SETDB2: variants seen among roughly 807,000 people sequenced by gnomAD.
The protein encoded by SETDB2 is SET domain bifurcated histone lysine methyltransferase 2.
In SETDB2, 56 loss-of-function variants were observed where a neutral mutation model predicts 82.5. The ratio of observed to expected loss-of-function variants is 0.68; its 90% confidence interval spans 0.55 to 0.85. The LOEUF (loss-of-function observed/expected upper bound fraction) is 0.85. Among genes scored for constraint, SETDB2 ranks in the 40% least tolerant of loss-of-function variants. The pLI is 0.00. For missense variants in SETDB2, 677 were observed against 816.4 expected, an observed-to-expected ratio of 0.83 and a Z score of 2.08; for synonymous variants, 272 against 284.9, an observed-to-expected ratio of 0.95 and a Z score of 0.46.
At position 49,494,009 on chromosome 13, in the gene SETDB2, A is replaced by G. The variant is rs1958760144; in HGVS notation, c.*2160A>G. 1.3e-5 allele frequency: 2 copies of G among 151,892 alleles called. No individual in the cohort carries two copies. The highest frequency in any genetic ancestry group is 2.9e-5 in the Non-Finnish European group (2 of 67,980). 9.4% of individuals were successfully genotyped at this position (151,892 alleles called of 1,614,324 possible). A position where few individuals can be genotyped will look rare whatever the true frequency, so the allele number is the denominator to read the frequency against. The stretch of plus-strand genomic sequence containing the variant: ...TTTCCCATCTCTTCACTGTTTCTGG[A>G]ATTCCTGTTTTCCAGATGTTAGACC... On this transcript the variant is annotated 3_prime_UTR_variant, in exon 14 of 14. Transcript: ENST00000611815.
chr13:49,466,684 G>A lies in SETDB2; in HGVS notation c.209-1180G>A, dbSNP rs148785348. Reference sequence around the variant, plus strand: ...TTTAGAGAGAGGGTCTTCCTCTGTCGCTCAGGCTGGAGTGCAGTGGTGCAA... The same window carrying A: ...TTTAGAGAGAGGGTCTTCCTCTGTCACTCAGGCTGGAGTGCAGTGGTGCAA... On this transcript the variant is annotated intron_variant, in intron 4 of 13. Transcript: ENST00000611815. Among the ~76,000 whole-genome samples, 90 of 151,988 alleles carry A rather than the reference G, an allele frequency of 5.9e-4. 1 individual carries two copies. In the East Asian group the frequency reaches 0.012, roughly 20 times the overall value.
chr13:49,490,279 C>CA (rs60013535), intron 12 of SETDB2, among the ~76,000 whole-genome samples: 2,338 of 82,954 alleles, frequency 0.028, 139 homozygotes, highest in Middle Eastern at 0.042. Flanking sequence ...GACTCCGTCT[C>CA]AAAAAAAAAA....
intron 4 of SETDB2, among the ~76,000 whole-genome samples, chr13:49,462,051 G>C (rs1277912241): frequency 5.3e-5 from 8 of 152,210 alleles, no homozygotes; most frequent in African/African-American, 1.9e-4. Context: ...TCCCTGTGGA[G>C]TTTTGGGGTG....
intron 10 of SETDB2, among the ~76,000 whole-genome samples, chr13:49,485,398 C>T (rs901201245): frequency 6.6e-6 from 1 of 152,204 alleles, no homozygotes; most frequent in East Asian, 1.9e-4. Flanking sequence ...AATTTCTTGA[C>T]AGTCTTTATA....
chr13:49,485,175 T>G (rs916953142), intron 10 of SETDB2, among the ~76,000 whole-genome samples: 2 of 152,242 alleles, frequency 1.3e-5, no homozygotes, highest in African/African-American at 2.4e-5. Flanking sequence ...TTATCATTAC[T>G]ACTTAAAGTG....
chr13:49,480,831 C>A, intron 7 of SETDB2, 116 bp from the exon 8 acceptor site: 1 of 1,028,744 alleles, frequency 9.7e-7, no homozygotes, highest in Non-Finnish European at 1.4e-6. Context: ...AGGCACTCTA[C>A]CTCTAAGAGC....
chr13:49,457,744 TA>T (rs759166106), intron 2 of SETDB2, among the ~76,000 whole-genome samples: 5 of 151,850 alleles, frequency 3.3e-5, no homozygotes. Flanking sequence ...TTTTAAATGA[TA>T]AAAAAAACAA....
chr13:49,459,696 A>G (rs1461937952), intron 2 of SETDB2, among the ~76,000 whole-genome samples: 1 of 152,178 alleles, frequency 6.6e-6, no homozygotes, highest in Non-Finnish European at 1.5e-5. Context: ...TTTAAAAAGC[A>G]GTATTGTTGG....
chr13:49,452,181 G>A (rs892953374), intron 2 of SETDB2, among the ~76,000 whole-genome samples: 13 of 150,632 alleles, frequency 8.6e-5, no homozygotes, highest in African/African-American at 3.2e-4. Flanking sequence ...GCACAATCTT[G>A]GCTCACTGCA....
intron 2 of SETDB2, among the ~76,000 whole-genome samples, chr13:49,452,833 A>T (rs536599473): frequency 6.6e-6 from 1 of 152,092 alleles, no homozygotes; most frequent in Non-Finnish European, 1.5e-5. Context: ...GGGGAGTGTG[A>T]TCTCAGAGGT....
rs1391931799 is a variant in SETDB2, at chr13:49,452,054, C to T, written c.16+145C>T. On this transcript the variant is annotated intron_variant, in intron 2 of 13. Transcript: ENST00000611815. ...GAATTAAGGGTTTATTCTTGTATAGCCACCAATTTTGACTGTCTTTATCAT... is the reference window on the plus strand; with the variant it reads ...GAATTAAGGGTTTATTCTTGTATAGTCACCAATTTTGACTGTCTTTATCAT... 6.0e-6 allele frequency: 3 copies of T among 501,464 alleles called. No individual in the cohort carries two copies. In the African/African-American group the frequency reaches 6.0e-5, roughly 10 times the overall value. The allele number at this position is 501,464 out of a possible 1,614,324, so 31.1% of individuals were successfully genotyped here.
Position 49,494,149 on chromosome 13 carries a change from C to T in SETDB2, c.*2300C>T, listed in dbSNP as rs1958762475. ...ATTTAATCTTCCAGTTCATCTGTTG[C>T]ATTTTATTTTTCTAGTCTCATATTG... On this transcript the variant is annotated 3_prime_UTR_variant, in exon 14 of 14. Coordinates refer to ENST00000611815, the MANE Select transcript of SETDB2 (RefSeq NM_001160308.3). The T allele has an allele frequency of 6.6e-6, 1 of 152,100 alleles. No individual in the cohort carries two copies. The highest frequency in any genetic ancestry group is 2.4e-5 in the African/African-American group (1 of 41,398). The allele number at this position is 152,100 out of a possible 1,614,324, so 9.4% of individuals were successfully genotyped here.
At chr13:49,465,610 C>T (rs1433623972) in intron 4 of SETDB2, among the ~76,000 whole-genome samples, 1 of 151,880 alleles carries the variant, frequency 6.6e-6, no homozygotes, top group Non-Finnish European at 1.5e-5. Context: ...GATCTTTGCT[C>T]ACTACAACTT....
intron 3 of SETDB2, among the ~76,000 whole-genome samples, chr13:49,460,793 CATT>C (rs1311926235): frequency 6.6e-6 from 1 of 152,124 alleles, no homozygotes; most frequent in African/African-American, 2.4e-5. Context: ...GGTCTTATGA[CATT>C]ATTATTATGT....
At chr13:49,452,541 C>T (rs914446469) in intron 2 of SETDB2, among the ~76,000 whole-genome samples, 3 of 152,206 alleles carry the variant, frequency 2.0e-5, no homozygotes, top group Admixed American at 6.5e-5. Context: ...ACATTTGTTA[C>T]AATTAATGAA....
At chr13:49,464,139 A>G in intron 4 of SETDB2, 1 of 747,284 alleles carries the variant, frequency 1.3e-6, no homozygotes, top group East Asian at 2.5e-5. Flanking sequence ...ACATGACTTC[A>G]AAGATAAATG....
At chr13:49,475,190 TACGTTA>T (rs1325092765) in intron 5 of SETDB2, among the ~76,000 whole-genome samples, 13 of 152,092 alleles carry the variant, frequency 8.5e-5, no homozygotes, top group Non-Finnish European at 1.9e-4. Flanking sequence ...AACTCCCCCT[TACGTTA>T]CCATCAGATC....
intron 1 of SETDB2, among the ~76,000 whole-genome samples, chr13:49,449,665 AAAGAAG>A: frequency 6.6e-6 from 1 of 152,302 alleles, no homozygotes; most frequent in East Asian, 1.9e-4. Flanking sequence ...AGGCCCCTGT[AAAGAAG>A]AAGTTAGCAT....
At chr13:49,461,070 G>A (rs1455390508) in intron 3 of SETDB2, 27 bp from the exon 4 acceptor site, 11 of 1,569,856 alleles carry the variant, frequency 7.0e-6, no homozygotes, top group Non-Finnish European at 9.6e-6. Flanking sequence ...AAAGGTAATG[G>A]TGATGCTGTT....
Sources: allele counts gnomAD v4.1 joint callset (sites outside exome capture counted in the v4.1 genomes callset), GRCh38; gene constraint gnomAD v4.1.1; transcripts MANE v1.5; gene names NCBI Gene and HGNC (gene_info 2026-07-23, HGNC 2026-07-21).